The following ACER3 variants were observed in gnomAD, a reference collection of about 807,000 sequenced individuals.
The protein encoded by ACER3 is alkaline ceramidase 3.
Under a neutral mutation model 48.9 loss-of-function variants are expected in ACER3, and 16 were observed. That is an observed-to-expected ratio of 0.33 (90% CI 0.22 to 0.50). The LOEUF (loss-of-function observed/expected upper bound fraction) is 0.50, where lower values mean the gene tolerates loss of function less well. Among genes scored for constraint, ACER3 ranks in the 20% least tolerant of loss-of-function variants. The pLI, the probability that ACER3 is intolerant of heterozygous loss-of-function variation, is 0.98. For missense variants in ACER3, 227 were observed against 326.0 expected (o/e 0.70, Z 2.34); for synonymous variants, 109 against 107.8 (o/e 1.01, Z -0.07).
chr11:76,868,916 C>T (rs536603778), intron 1 of ACER3, among the ~76,000 whole-genome samples: 34 of 152,328 alleles, frequency 2.2e-4, no homozygotes, highest in South Asian at 6.2e-4. Flanking sequence ...GATGGTGCTG[C>T]GCTCCAAATC....
chr11:77,014,968 C>A, intron 7 of ACER3, 48 bp from the exon 8 acceptor site: 2 of 1,130,306 alleles, frequency 1.8e-6, no homozygotes, highest in Non-Finnish European at 2.7e-6. Context: ...CTGATCGTGA[C>A]ATGACTTGAG....
In ACER3 at chr11:77,023,081, C is replaced by T; in HGVS notation, c.*2754C>T. The T allele has an allele frequency of 2.5e-6, 1 of 398,530 alleles. No individual in the cohort carries two copies. Among genetic ancestry groups the T allele is most frequent in the Non-Finnish European group, 4.4e-6 (1 of 226,030 alleles). The allele number at this position is 398,530 out of a possible 1,614,324, so 24.7% of individuals were successfully genotyped here. Reference sequence around the variant, plus strand: ...CTCTGCCTGCCCACTACCTACTCCCCACCATGGTGTTTCATGAAACATCCC... The same window carrying T: ...CTCTGCCTGCCCACTACCTACTCCCTACCATGGTGTTTCATGAAACATCCC... On this transcript the variant is annotated 3_prime_UTR_variant, in exon 11 of 11. Coordinates refer to ENST00000532485, the MANE Select transcript of ACER3 (RefSeq NM_018367.7).
At chr11:76,951,860 G>A (rs759559967) in intron 2 of ACER3, among the ~76,000 whole-genome samples, 1 of 152,070 alleles carries the variant, frequency 6.6e-6, no homozygotes, top group Non-Finnish European at 1.5e-5. Flanking sequence ...CATGTACCAG[G>A]GTACCCACTG....
Position 77,015,038 on chromosome 11 carries a change from C to A in ACER3, c.520C>A (p.Leu174Met). Residue 174 changes from leucine to methionine, a missense_variant, in exon 8 of 11, where the codon CTG (leucine) becomes ATG (methionine). Around this residue, in one of 3 missense-constraint regions of ACER3, gnomAD observed 195 missense variants for 290.8 expected, o/e 0.67. Coordinates refer to ENST00000532485, the MANE Select transcript of ACER3 (RefSeq NM_018367.7). ...VTWVYPWLRG[L>M]GYTSLGIFLL... ...CAGGGTTTATCCATGGCTTAGAGGACTGGGTTATACATCATTGGGTATATT... is the reference window on the plus strand; with the variant it reads ...CAGGGTTTATCCATGGCTTAGAGGAATGGGTTATACATCATTGGGTATATT... 6.2e-7 allele frequency: 1 copy of A among 1,601,806 alleles called. No individual in the cohort carries two copies. The highest frequency in any genetic ancestry group is 1.7e-4 in the Middle Eastern group (1 of 6,036).
Position 76,872,560 on chromosome 11 carries a change from A to G in ACER3, c.103+11481A>G, listed in dbSNP as rs190376273. 1.8e-3 allele frequency among the ~76,000 whole-genome samples: 270 copies of G among 152,336 alleles called. 2 individuals carry two copies. Among genetic ancestry groups the G allele is most frequent in the South Asian group, 6.4e-3 (31 of 4,820 alleles). ...AAGTGGTCTGCCTAAGATTACATTGAAAATTAGTGGTGAAGCCTAGATCAG... is the reference window on the plus strand; with the variant it reads ...AAGTGGTCTGCCTAAGATTACATTGGAAATTAGTGGTGAAGCCTAGATCAG... On this transcript the variant is annotated intron_variant, in intron 1 of 10. Transcript: ENST00000532485.
intron 1 of ACER3, among the ~76,000 whole-genome samples, chr11:76,881,580 C>T (rs1025127211): frequency 6.6e-6 from 1 of 152,114 alleles, no homozygotes; most frequent in Non-Finnish European, 1.5e-5. Flanking sequence ...AATGTAGAAG[C>T]TTGCACAATA....
intron 2 of ACER3, among the ~76,000 whole-genome samples, chr11:76,935,218 G>A (rs1216290498): frequency 6.6e-6 from 1 of 152,018 alleles, no homozygotes; most frequent in East Asian, 1.9e-4. Context: ...AATAAAAAGG[G>A]TCAGAGAGAA....
intron 1 of ACER3, among the ~76,000 whole-genome samples, chr11:76,893,962 A>G (rs1273571435): frequency 6.6e-6 from 1 of 152,182 alleles, no homozygotes; most frequent in African/African-American, 2.4e-5. Context: ...AATATGTTCA[A>G]CTTCTTGGCA....
intron 7 of ACER3, among the ~76,000 whole-genome samples, chr11:77,013,303 T>C (rs1949305398): frequency 6.6e-6 from 1 of 152,140 alleles, no homozygotes; most frequent in Admixed American, 6.6e-5. Flanking sequence ...CAAAATATAG[T>C]ATTCAGAAAA....
chr11:76,903,288 T>G (rs1034262590), intron 1 of ACER3, among the ~76,000 whole-genome samples: 1 of 152,186 alleles, frequency 6.6e-6, no homozygotes, highest in Admixed American at 6.5e-5. Flanking sequence ...ATGCATCCTT[T>G]AAAGCACCTT....
chr11:76,875,729 G>GTTTTTTTTTTT (rs1390719448), intron 1 of ACER3, among the ~76,000 whole-genome samples: 2 of 79,816 alleles, frequency 2.5e-5, no homozygotes, highest in Admixed American at 1.2e-4. Flanking sequence ...CACAGTTTTT[G>GTTTTTTTTTTT]TTGTTTTTTT....
intron 1 of ACER3, among the ~76,000 whole-genome samples, chr11:76,862,488 G>A (rs1944967164): frequency 6.6e-6 from 1 of 152,238 alleles, no homozygotes; most frequent in African/African-American, 2.4e-5. Context: ...CGCTTTACCA[G>A]TTTGTTGTTA....
chr11:77,020,042 C>T (rs1398245136), intron 10 of ACER3, among the ~76,000 whole-genome samples: 1 of 152,166 alleles, frequency 6.6e-6, no homozygotes, highest in Admixed American at 6.5e-5. Context: ...TGCCCAGCTC[C>T]ATGCTTGACA....
At chr11:76,911,423 G>A (rs145017549) in intron 1 of ACER3, among the ~76,000 whole-genome samples, 31 of 152,182 alleles carry the variant, frequency 2.0e-4, no homozygotes, top group African/African-American at 7.0e-4. Flanking sequence ...GCAGTGCCAG[G>A]GCCAGAGGTC....
chr11:76,875,755 T>G (rs1312622144), intron 1 of ACER3, among the ~76,000 whole-genome samples: 33 of 137,182 alleles, frequency 2.4e-4, no homozygotes, highest in African/African-American at 1.0e-3. Context: ...TTTTTTTTTT[T>G]TGTGGAGTCT....
chr11:77,006,429 T>C (rs1949151818), intron 7 of ACER3, among the ~76,000 whole-genome samples: 1 of 152,156 alleles, frequency 6.6e-6, no homozygotes, highest in Non-Finnish European at 1.5e-5. Flanking sequence ...TTTCCATTGC[T>C]CTTTCTTCCT....
At chr11:76,952,151 C>T (rs889637184) in intron 2 of ACER3, among the ~76,000 whole-genome samples, 7 of 151,700 alleles carry the variant, frequency 4.6e-5, no homozygotes, top group Admixed American at 1.3e-4. Context: ...CACACACACA[C>T]ACACACACAC....
chr11:76,935,602 A>G (rs545696080), intron 2 of ACER3, among the ~76,000 whole-genome samples: 1 of 152,228 alleles, frequency 6.6e-6, no homozygotes, highest in Non-Finnish European at 1.5e-5. Context: ...AATGAAGAGG[A>G]AGTATAAGCC....
At position 77,020,403 on chromosome 11, in the gene ACER3, C is replaced by G; in HGVS notation, c.*76C>G. The G allele has an allele frequency of 6.6e-7, 1 of 1,507,094 alleles. No individual in the cohort carries two copies. Among genetic ancestry groups the G allele is most frequent in the East Asian group, 2.3e-5 (1 of 43,962 alleles). The allele number at this position is 1,507,094 out of a possible 1,614,324, so 93.4% of individuals were successfully genotyped here. On this transcript the variant is annotated 3_prime_UTR_variant, in exon 11 of 11. Transcript: ENST00000532485. ...AATAAATAAGGAAATCCTTAAAGAT[C>G]TACAAGTTCAAATATGTCATGACCA...
Sources: gnomAD v4.1 joint callset for allele counts (sites outside exome capture counted in the v4.1 genomes callset) on GRCh38, gnomAD v4.1.1 for gene constraint, gnomAD v4.1.1 regional missense constraint, MANE v1.5 for transcripts, NCBI Gene and HGNC (gene_info 2026-07-23, HGNC 2026-07-21) for gene names.